Variants in MS4A14 observed in about 807,000 individuals in gnomAD.
MS4A14 encodes membrane-spanning 4-domains subfamily A member 14.
A neutral mutation model predicts 16.7 loss-of-function variants in MS4A14; 18 were observed. The ratio of observed to expected loss-of-function variants is 1.08; its 90% confidence interval spans 0.75 to 1.60. MS4A14 has a LOEUF of 1.60. MS4A14 is among the 40% of genes most tolerant of loss of function. MS4A14 has a pLI of 0.00. For synonymous variants in MS4A14, 305 were observed against 289.4 expected (o/e 1.05, Z -0.55); for missense variants, 812 against 775.3 (o/e 1.05, Z -0.56).
intron 4 of MS4A14, among the ~76,000 whole-genome samples, chr11:60,405,243 C>A (rs545745349): frequency 5.5e-4 from 84 of 152,264 alleles, no homozygotes; most frequent in African/African-American, 1.8e-3. Context: ...CCAGGCCCAG[C>A]TAATTTTGTA....
At position 60,415,519 on chromosome 11, in the gene MS4A14, T is replaced by C; in HGVS notation, c.551T>C (p.Leu184Pro). 6.2e-7 allele frequency: 1 copy of C among 1,613,716 alleles called. No homozygotes were observed. The highest frequency in any genetic ancestry group is 2.2e-5 in the East Asian group (1 of 44,856). The change falls in exon 5 of 5, where the codon CTT becomes CCT. Residue 184 changes from leucine (L) to proline (P), a missense_variant. Coordinates refer to ENST00000300187, the MANE Select transcript of MS4A14 (RefSeq NM_032597.5). ...GAAAATGATCAATTACAATTTGTGC[T>C]TCAAGAAGAGTTTTCCAGTGATGAT... ...PEENDQLQFV[L>P]QEEFSSDDST... is the part of the protein sequence containing the mutation.
chr11:60,401,915 CT>C (rs1402904954), intron 3 of MS4A14, among the ~76,000 whole-genome samples: 3 of 152,180 alleles, frequency 2.0e-5, no homozygotes, highest in African/African-American at 7.2e-5. Context: ...CACAAGTACA[CT>C]TCTGAGGTTT....
chr11:60,406,019 A>G (rs2085781340), intron 4 of MS4A14: 3 of 1,350,820 alleles, frequency 2.2e-6, no homozygotes, highest in Non-Finnish European at 2.9e-6. Context: ...TATTATTAAG[A>G]GAACAGGTTC....
At position 60,400,334 on chromosome 11, in the gene MS4A14, C is replaced by G. The variant is rs76170962; in HGVS notation, c.268-70C>G. The G allele has an allele frequency of 2.3e-3, 2,574 of 1,098,286 alleles. 56 individuals are homozygous for G. The African/African-American group carries it at 0.035, about 15-fold the overall frequency. 68.0% of individuals were successfully genotyped at this position (1,098,286 alleles called of 1,614,324 possible). Reference sequence around the variant, plus strand: ...TTCACAAACAGATATTTTGCAAATCCAAGGGAAATTATACTGCAAGGTGGT... The same window carrying G: ...TTCACAAACAGATATTTTGCAAATCGAAGGGAAATTATACTGCAAGGTGGT... On this transcript the variant is annotated intron_variant, in intron 2 of 4. Coordinates refer to ENST00000300187, the MANE Select transcript of MS4A14 (RefSeq NM_032597.5).
chr11:60,416,942 A>C lies in MS4A14; in HGVS notation c.1974A>C (p.Lys658Asn), dbSNP rs1565182224. 6.2e-7 allele frequency: 1 copy of C among 1,613,764 alleles called. No homozygotes were observed. Among genetic ancestry groups the C allele is most frequent in the Non-Finnish European group, 8.5e-7 (1 of 1,179,752 alleles). Residue 658 changes from lysine (K) to asparagine (N), a missense_variant, in exon 5 of 5, where the codon AAA becomes AAC. By Grantham distance (94) the Lys-to-Asn change is moderately conservative. Transcript: ENST00000300187. ...IQQYQFWQFH[K>N]GNLQAGQPRT... ...AATACCAATTCTGGCAATTCCACAA[A>C]GGCAATCTCCAGGCTGGACAACCCA...
chr11:60,406,441 G>T (rs992068179), intron 4 of MS4A14, among the ~76,000 whole-genome samples: 1 of 152,144 alleles, frequency 6.6e-6, no homozygotes, highest in African/African-American at 2.4e-5. Context: ...TTCTGACTAT[G>T]TCAGTCACTG....
intron 4 of MS4A14, chr11:60,406,028 T>A: frequency 6.5e-6 from 8 of 1,239,724 alleles, no homozygotes; most frequent in Non-Finnish European, 7.5e-6. Flanking sequence ...GAGAACAGGT[T>A]CCTGTTCCTG....
chr11:60,411,934 T>A (rs2085875217), intron 4 of MS4A14, among the ~76,000 whole-genome samples: 1 of 152,086 alleles, frequency 6.6e-6, no homozygotes. Context: ...ATTGAGGAAT[T>A]TTCCATCTCT....
At chr11:60,404,954 A>C (rs1159253380) in intron 4 of MS4A14, among the ~76,000 whole-genome samples, 2 of 152,244 alleles carry the variant, frequency 1.3e-5, no homozygotes, top group Non-Finnish European at 2.9e-5. Flanking sequence ...TGCATACAAT[A>C]GGGTCTTCAT....
At chr11:60,414,217 T>C (rs1326938900) in intron 4 of MS4A14, among the ~76,000 whole-genome samples, 1 of 152,078 alleles carries the variant, frequency 6.6e-6, no homozygotes, top group East Asian at 1.9e-4. Context: ...AAATTAAAAT[T>C]CACATGAAAC....
chr11:60,407,309 C>A (rs1488568284), intron 4 of MS4A14, among the ~76,000 whole-genome samples: 1 of 152,228 alleles, frequency 6.6e-6, no homozygotes, highest in Non-Finnish European at 1.5e-5. Context: ...GTGTGCGCCA[C>A]TGCGCCCAGT....
At chr11:60,414,153 AT>A (rs1159842638) in intron 4 of MS4A14, among the ~76,000 whole-genome samples, 1 of 152,134 alleles carries the variant, frequency 6.6e-6, no homozygotes, top group Non-Finnish European at 1.5e-5. Flanking sequence ...AAGAGCTTTA[AT>A]AAACAGAGAA....
chr11:60,409,316 C>T, intron 4 of MS4A14, among the ~76,000 whole-genome samples: 1 of 151,998 alleles, frequency 6.6e-6, no homozygotes, highest in East Asian at 1.9e-4. Context: ...CCCGGTCCTC[C>T]CATCCTCCCT....
intron 4 of MS4A14, among the ~76,000 whole-genome samples, chr11:60,407,882 A>C (rs1457459233): frequency 6.6e-6 from 1 of 152,128 alleles, no homozygotes; most frequent in Non-Finnish European, 1.5e-5. Context: ...CTTTGAAAAA[A>C]ACAAATTTGA....
intron 4 of MS4A14, among the ~76,000 whole-genome samples, chr11:60,407,548 A>G (rs75095479): frequency 1.1e-3 from 161 of 152,284 alleles, no homozygotes; most frequent in Middle Eastern, 0.01. Context: ...CTCATCAACA[A>G]TGTGTGAGAG....
Position 60,416,345 on chromosome 11 carries a change from T to C in MS4A14, c.1377T>C (p.Asp459=), listed in dbSNP as rs1429083072. The change falls in exon 5 of 5, where the codon GAT becomes GAC. Residue 459 remains aspartate, a synonymous_variant. Transcript: ENST00000300187. ...NQQILQMSYQ[D]IRSEVMEETK... ...AAATTTTACAAATGTCATATCAAGA[T>C]ATTAGATCAGAAGTTATGGAAGAGA... is the stretch of plus-strand genomic sequence containing the variant. The C allele has an allele frequency of 6.2e-7, 1 of 1,613,910 alleles. No individual in the cohort carries two copies. The highest frequency in any genetic ancestry group is 1.7e-5 in the Admixed American group (1 of 59,958).
In MS4A14 at chr11:60,415,578, G is replaced by A. The variant is rs764052006; in HGVS notation, c.610G>A (p.Gly204Ser). ...AAATGCACAATCTGTTATCTTTGGA[G>A]GCTATGCTTTCTTCAAGTTAACACT... ...TTNAQSVIFG[G>S]YAFFKLTLSR... Residue 204 changes from glycine to serine, a missense_variant, in exon 5 of 5, where the codon GGC (glycine) becomes AGC (serine). Gly to Ser is a moderately conservative substitution (Grantham distance 56). Coordinates refer to ENST00000300187, the MANE Select transcript of MS4A14 (RefSeq NM_032597.5). 3 of 1,613,816 alleles carry A rather than the reference G, an allele frequency of 1.9e-6. No individual in the cohort carries two copies. The Admixed American group carries it at 5.0e-5, about 27-fold the overall frequency.
chr11:60,415,571 C>T lies in MS4A14; in HGVS notation c.603C>T (p.Ile201=). The T allele has an allele frequency of 6.2e-7, 1 of 1,613,778 alleles. No homozygotes were observed. Among genetic ancestry groups the T allele is most frequent in the Non-Finnish European group, 8.5e-7 (1 of 1,179,780 alleles). The change falls in exon 5 of 5, where the codon ATC becomes ATT. Residue 201 remains isoleucine, a synonymous_variant. Coordinates refer to ENST00000300187, the MANE Select transcript of MS4A14 (RefSeq NM_032597.5). ...CAACAACAAATGCACAATCTGTTAT[C>T]TTTGGAGGCTATGCTTTCTTCAAGT... is the stretch of plus-strand genomic sequence containing the variant. ...DDSTTNAQSV[I]FGGYAFFKLT...
Position 60,415,903 on chromosome 11 carries a change from T to C in MS4A14, c.935T>C (p.Leu312Pro). The C allele has an allele frequency of 6.2e-7, 1 of 1,613,932 alleles. No homozygotes were observed. Among genetic ancestry groups the C allele is most frequent in the Admixed American group, 1.7e-5 (1 of 59,948 alleles). Residue 312 changes from leucine to proline, a missense_variant, in exon 5 of 5, where the codon CTC becomes CCC. Physicochemically the swap from Leu to Pro is moderately conservative, Grantham distance 98. Coordinates refer to ENST00000300187, the MANE Select transcript of MS4A14 (RefSeq NM_032597.5). ...QVFPSHSALK[L>P]EDISPEDLPS... ...TTTCCATCCCATTCTGCACTAAAAC[T>C]CGAAGATATATCACCTGAAGACTTG...
Sources: gnomAD v4.1 joint callset for allele counts (sites outside exome capture counted in the v4.1 genomes callset) on GRCh38, gnomAD v4.1.1 for gene constraint, MANE v1.5 for transcripts, NCBI Gene and HGNC (gene_info 2026-07-23, HGNC 2026-07-21) for gene names.